Variants in WDR73 observed in about 807,000 individuals in gnomAD.
WDR73 encodes WD repeat domain 73.
Under a neutral mutation model 38.2 loss-of-function variants are expected in WDR73, and 30 were observed. The observed-to-expected ratio is 0.79, with a 90% CI of 0.59 to 1.06. WDR73 has a LOEUF of 1.06. WDR73 is among the 50% of genes least tolerant of loss of function. The probability of loss-of-function intolerance (pLI) is 0.00; values close to 1 mark genes in which losing one functional copy is unlikely to be tolerated. For missense variants in WDR73, 487 were observed against 467.0 expected (o/e 1.04, Z -0.40); for synonymous variants, 197 against 176.0 (o/e 1.12, Z -0.94).
chr15:84,652,859 C>G (rs1412699032), intron 2 of WDR73, 57 bp from the exon 3 acceptor site: 1 of 1,066,392 alleles, frequency 9.4e-7, no homozygotes, highest in Non-Finnish European at 1.4e-6. Flanking sequence ...GCAGACCATG[C>G]AATCCCCCGA....
intron 3 of WDR73, among the ~76,000 whole-genome samples, chr15:84,650,206 G>A (rs1342677223): frequency 1.3e-5 from 2 of 152,162 alleles, no homozygotes; most frequent in South Asian, 2.1e-4. Flanking sequence ...TTTGTGAGAC[G>A]GAGTGTCATG....
rs1896296498 is a variant in WDR73 at position 84,642,609 on chromosome 15, G to A, written c.*861C>T. 1 of 152,046 alleles carries A rather than the reference G, an allele frequency of 6.6e-6. No homozygotes were observed. Among genetic ancestry groups the A allele is most frequent in the Non-Finnish European group, 1.5e-5 (1 of 68,084 alleles). 9.4% of individuals were successfully genotyped at this position (152,046 alleles called of 1,614,324 possible). ...AGCCTCTTGAATAGCTGGGACTGCAGGCTCATACCACCACAACCAGCTAAC... is the reference window on the plus strand; with the variant it reads ...AGCCTCTTGAATAGCTGGGACTGCAAGCTCATACCACCACAACCAGCTAAC... On this transcript the variant is annotated 3_prime_UTR_variant, in exon 8 of 8. Coordinates refer to ENST00000434634, the MANE Select transcript of WDR73 (RefSeq NM_032856.5).
intron 7 of WDR73, chr15:84,645,133 G>A (rs1160247859): frequency 1.9e-6 from 2 of 1,045,108 alleles, no homozygotes; most frequent in Non-Finnish European, 2.4e-6. Context: ...TGTATTTTTA[G>A]TAGGGACGGG....
chr15:84,646,469 G>C, intron 5 of WDR73, 121 bp from the exon 6 acceptor site: 1 of 1,447,420 alleles, frequency 6.9e-7, no homozygotes, highest in Non-Finnish European at 9.1e-7. Context: ...CTGCCGGCTG[G>C]CAAGAGATGA....
intron 7 of WDR73, 145 bp from the exon 8 acceptor site, chr15:84,643,868 C>T: frequency 2.0e-6 from 2 of 1,000,890 alleles, no homozygotes; most frequent in Non-Finnish European, 2.8e-6. Flanking sequence ...CCTCCCATCT[C>T]AGCCTCCCAA....
intron 5 of WDR73, chr15:84,647,502 C>CTT: frequency 6.0e-5 from 11 of 184,474 alleles, no homozygotes; most frequent in South Asian, 1.1e-4. Flanking sequence ...TCTACTACTA[C>CTT]TTTTTTTTTT....
chr15:84,642,811 G>A lies in WDR73; in HGVS notation c.*659C>T, dbSNP rs1020393066. 20 of 151,314 alleles carry A rather than the reference G, an allele frequency of 1.3e-4. No homozygotes were observed. Among genetic ancestry groups the A allele is most frequent in the African/African-American group, 4.9e-4 (20 of 41,016 alleles). 9.4% of individuals were successfully genotyped at this position (151,314 alleles called of 1,614,324 possible). A position where few individuals can be genotyped will look rare whatever the true frequency, so the allele number is the denominator to read the frequency against. ...GGAAGGGATCTTGCTATGTTGCCCA[G>A]GCTGGTCTCAAACTCCTCAGCTCAA... On this transcript the variant is annotated 3_prime_UTR_variant, in exon 8 of 8. Coordinates refer to ENST00000434634, the MANE Select transcript of WDR73 (RefSeq NM_032856.5).
chr15:84,652,863 C>G, intron 2 of WDR73, 61 bp from the exon 3 acceptor site: 1 of 1,022,646 alleles, frequency 9.8e-7, no homozygotes. Context: ...ACCATGCAAT[C>G]CCCCGAAGTA....
In WDR73 at chr15:84,642,970, A is replaced by T. The variant is rs921146546; in HGVS notation, c.*500T>A. The stretch of plus-strand genomic sequence containing the variant: ...GGCCACCAAAAGCAAATGTCTCTTG[A>T]ACCTAGTCACCTGGGGGGACAAGTG... On this transcript the variant is annotated 3_prime_UTR_variant, in exon 8 of 8. Transcript: ENST00000434634. The T allele has an allele frequency of 6.3e-6, 1 of 159,008 alleles. No individual in the cohort carries two copies. Among genetic ancestry groups the T allele is most frequent in the African/African-American group, 2.4e-5 (1 of 41,452 alleles). 9.8% of individuals were successfully genotyped at this position (159,008 alleles called of 1,614,324 possible). A position where few individuals can be genotyped will look rare whatever the true frequency, so the allele number is the denominator to read the frequency against.
intron 2 of WDR73, chr15:84,653,202 T>C (rs1896677900): frequency 5.1e-6 from 1 of 194,272 alleles, no homozygotes; most frequent in Non-Finnish European, 1.1e-5. Flanking sequence ...AAGACTTTTT[T>C]TGTTAGCCAC....
chr15:84,643,176 A>G lies in WDR73; in HGVS notation c.*294T>C. 2.4e-6 allele frequency: 1 copy of G among 411,402 alleles called. No homozygotes were observed. Among genetic ancestry groups the G allele is most frequent in the Non-Finnish European group, 4.4e-6 (1 of 227,286 alleles). 25.5% of individuals were successfully genotyped at this position (411,402 alleles called of 1,614,324 possible). A position where few individuals can be genotyped will look rare whatever the true frequency, so the allele number is the denominator to read the frequency against. On this transcript the variant is annotated 3_prime_UTR_variant, in exon 8 of 8. Transcript: ENST00000434634. ...TTTGTTAGCTCTTTTGATTCTCCCT[A>G]TGATAGTGTGAAGACAGGGACAAAA...
Position 84,643,624 on chromosome 15 carries a change from C to T in WDR73, c.983G>A (p.Arg328Lys), listed in dbSNP as rs1358690291. 6.2e-7 allele frequency: 1 copy of T among 1,612,758 alleles called. No homozygotes were observed. Among genetic ancestry groups the T allele is most frequent in the Non-Finnish European group, 8.5e-7 (1 of 1,179,424 alleles). Reference sequence around the variant, plus strand: ...ATTTCCATCTAGGAAGATGTGACCTCTGTGAGTGAAGAGAGGTTCTACTTG... The same window carrying T: ...ATTTCCATCTAGGAAGATGTGACCTTTGTGAGTGAAGAGAGGTTCTACTTG... Reference protein sequence around the residue: ...RSQVEPLFTHRGHIFLDGNGM... With the variant: ...RSQVEPLFTHKGHIFLDGNGM... Residue 328 changes from arginine to lysine, a missense_variant, in exon 8 of 8, where the codon AGA becomes AAA. By Grantham distance (26) the Arg-to-Lys change is conservative. Coordinates refer to ENST00000434634, the MANE Select transcript of WDR73 (RefSeq NM_032856.5).
rs543740426 is a variant in WDR73, at chr15:84,647,948, C to G, written c.294G>C (p.Leu98=). ...AACAACCTGGAAGGCCACTGGTAAC[C>G]AGCAATCTATTCAGAAAAGACAAAA... The part of the protein sequence containing the change: ...DLKHVPHTRL[L]VTSGLPGCYL... Residue 98 remains leucine (L), a synonymous_variant, in exon 5 of 8, where the codon CTG becomes CTC. Coordinates refer to ENST00000434634, the MANE Select transcript of WDR73 (RefSeq NM_032856.5). 1.9e-6 allele frequency: 3 copies of G among 1,614,008 alleles called. No homozygotes were observed. In the African/African-American group the frequency reaches 4.0e-5, roughly 22 times the overall value.
At chr15:84,650,648 G>A (rs1404056102) in intron 3 of WDR73, among the ~76,000 whole-genome samples, 1 of 151,746 alleles carries the variant, frequency 6.6e-6, no homozygotes, top group Admixed American at 6.6e-5. Flanking sequence ...TGTGAGCCAC[G>A]CGCCTGGCCA....
chr15:84,649,620 C>A (rs1024768856), intron 3 of WDR73, among the ~76,000 whole-genome samples: 8 of 152,074 alleles, frequency 5.3e-5, no homozygotes, highest in African/African-American at 1.7e-4. Context: ...CAGGTGTGCA[C>A]CACCACACCC....
Position 84,643,611 on chromosome 15 carries a change from G to A in WDR73, c.996C>T (p.Phe332=). Residue 332 remains phenylalanine (F), a synonymous_variant, in exon 8 of 8, where the codon TTC becomes TTT. Coordinates refer to ENST00000434634, the MANE Select transcript of WDR73 (RefSeq NM_032856.5). ...EPLFTHRGHI[F]LDGNGMDPAP... ...CAGGGTCCATCCCATTTCCATCTAG[G>A]AAGATGTGACCTCTGTGAGTGAAGA... is the stretch of plus-strand genomic sequence containing the variant. The A allele has an allele frequency of 1.2e-6, 2 of 1,612,942 alleles. No individual in the cohort carries two copies. The highest frequency in any genetic ancestry group is 4.5e-5 in the East Asian group (2 of 44,846).
rs1477928708 is a variant in WDR73, at chr15:84,645,720, A to G, written c.634T>C (p.Leu212=). 2.5e-6 allele frequency: 4 copies of G among 1,610,126 alleles called. No individual in the cohort carries two copies. The African/African-American group carries it at 4.0e-5, about 16-fold the overall frequency. ...LVDTRQKWAP[L]ENRSPGPGSG... ...CCAGGGCCAGGGCTGCGATTCTCCA[A>G]CGGTGCCCACTTCTGCCGGGTGTCA... Residue 212 remains leucine (L), a synonymous_variant, in exon 7 of 8, where the codon TTG becomes CTG. Coordinates refer to ENST00000434634, the MANE Select transcript of WDR73 (RefSeq NM_032856.5).
rs1265114379 is a variant in WDR73, at chr15:84,646,269, T to A, written c.432A>T (p.Thr144=). Residue 144 remains threonine (T), a synonymous_variant, in exon 6 of 8, where the codon ACA becomes ACT. Coordinates refer to ENST00000434634, the MANE Select transcript of WDR73 (RefSeq NM_032856.5). ...SLWPRVAVFS[T]LAPGVLHGAR... ...CCCCATGGAGGACTCCGGGTGCCAA[T>A]GTGGAGAAGACGGCCACCCTAGGCC... 1.2e-6 allele frequency: 2 copies of A among 1,613,750 alleles called. No individual in the cohort carries two copies. Among genetic ancestry groups the A allele is most frequent in the African/African-American group, 2.7e-5 (2 of 74,894 alleles).
In WDR73 at chr15:84,648,572, C is replaced by A. The variant is rs761580366; in HGVS notation, c.252G>T (p.Arg84Ser). 2 of 1,613,948 alleles carry A rather than the reference C, an allele frequency of 1.2e-6. No homozygotes were observed. Among genetic ancestry groups the A allele is most frequent in the Non-Finnish European group, 1.7e-6 (2 of 1,179,848 alleles). The change falls in exon 4 of 8, where the codon AGG becomes AGT. Residue 84 changes from arginine (R) to serine (S), a missense_variant. Coordinates refer to ENST00000434634, the MANE Select transcript of WDR73 (RefSeq NM_032856.5). ...FKVRHGGFSDRSIFDLKHVPH... is the reference protein window; with the variant it reads ...FKVRHGGFSDSSIFDLKHVPH... ...GCACATGCTTTAGATCAAAGATAGA[C>A]CTGTCTGAAAATCCTCCATGGCGCA...
Sources: allele counts gnomAD v4.1 joint callset (sites outside exome capture counted in the v4.1 genomes callset), GRCh38; gene constraint gnomAD v4.1.1; transcripts MANE v1.5; gene names NCBI Gene and HGNC (gene_info 2026-07-23, HGNC 2026-07-21).